ACTR10: variants seen among roughly 807,000 people sequenced by gnomAD.
ACTR10 encodes the protein actin related protein 10.
ACTR10 carries 43 observed loss-of-function variants against 56.2 expected under a neutral mutation model. The ratio of observed to expected loss-of-function variants is 0.77; its 90% CI spans 0.60 to 0.99. The LOEUF (loss-of-function observed/expected upper bound fraction) is 0.99. ACTR10 is among the 50% of genes least tolerant of loss of function. ACTR10 has a pLI of 0.00. For synonymous variants in ACTR10, 170 were observed against 176.3 expected, an observed-to-expected ratio of 0.96 and a Z score of 0.28; for missense variants, 466 against 507.8, an observed-to-expected ratio of 0.92 and a Z score of 0.79.
intron 8 of ACTR10, among the ~76,000 whole-genome samples, chr14:58,222,025 G>A (rs1889286247): frequency 6.6e-6 from 1 of 152,118 alleles, no homozygotes; most frequent in Non-Finnish European, 1.5e-5. Context: ...CTAGCTCACT[G>A]TCTAGCATAG....
intron 2 of ACTR10, among the ~76,000 whole-genome samples, chr14:58,205,353 C>T (rs1325387334): frequency 3.0e-5 from 4 of 133,914 alleles, no homozygotes; most frequent in East Asian, 4.2e-4. Flanking sequence ...CTTGCTCTGT[C>T]GCCCAGGCTG....
intron 2 of ACTR10, among the ~76,000 whole-genome samples, chr14:58,204,116 ACAC>A (rs1303177806): frequency 6.6e-6 from 1 of 151,774 alleles, no homozygotes; most frequent in Non-Finnish European, 1.5e-5. Flanking sequence ...TGGGCAGATT[ACAC>A]GCCTGTAATC....
In ACTR10 at chr14:58,202,901, G is replaced by A. The variant is rs1230049060; in HGVS notation, c.124G>A (p.Val42Met). The A allele has an allele frequency of 6.2e-7, 1 of 1,605,160 alleles. No individual in the cohort carries two copies. The highest frequency in any genetic ancestry group is 8.5e-7 in the Non-Finnish European group (1 of 1,175,524). Residue 42 changes from valine (V) to methionine (M), a missense_variant, in exon 2 of 13, where the codon GTG becomes ATG. Val to Met is a conservative substitution (Grantham distance 21). Coordinates refer to ENST00000254286, the MANE Select transcript of ACTR10 (RefSeq NM_018477.3). ...ETGPRCIIPSVIKRAGMPKPV... is the reference protein window; with the variant it reads ...ETGPRCIIPSMIKRAGMPKPV... ...TGGTCCAAGATGTATAATTCCTAGT[G>A]TGATAAAAAGAGCTGGGATGCCTAA...
At chr14:58,214,062 GTTA>G (rs1429242106) in intron 6 of ACTR10, among the ~76,000 whole-genome samples, 1 of 152,102 alleles carries the variant, frequency 6.6e-6, no homozygotes, top group Non-Finnish European at 1.5e-5. Context: ...GTACAATTAA[GTTA>G]TTATTGTCTA....
chr14:58,224,562 C>G (rs1038970350), intron 10 of ACTR10, among the ~76,000 whole-genome samples: 5 of 152,128 alleles, frequency 3.3e-5, no homozygotes, highest in African/African-American at 1.2e-4. Flanking sequence ...TTCACACTTG[C>G]AACCCCAGCA....
intron 2 of ACTR10, among the ~76,000 whole-genome samples, chr14:58,204,217 T>TA (rs35924178): frequency 0.11 from 14,359 of 132,236 alleles, 1,167 homozygotes; most frequent in African/African-American, 0.23. Context: ...CCATCTCTAC[T>TA]AAAAAAAAAA....
intron 10 of ACTR10, among the ~76,000 whole-genome samples, chr14:58,227,693 A>G (rs916698606): frequency 7.9e-5 from 12 of 152,214 alleles, no homozygotes; most frequent in African/African-American, 2.9e-4. Context: ...GGCCTCAGTT[A>G]GTATACTTTA....
At chr14:58,214,481 G>C (rs1056394152) in intron 6 of ACTR10, among the ~76,000 whole-genome samples, 1 of 151,244 alleles carries the variant, frequency 6.6e-6, no homozygotes, top group South Asian at 2.1e-4. Flanking sequence ...TCATGGGGAA[G>C]ACCTTTATTA....
chr14:58,214,466 T>G (rs1029200688), intron 6 of ACTR10, among the ~76,000 whole-genome samples: 1 of 151,878 alleles, frequency 6.6e-6, no homozygotes, highest in African/African-American at 2.4e-5. Flanking sequence ...ATAGGTAAAC[T>G]TATGTCATGG....
In ACTR10 at chr14:58,223,813, C is replaced by G. The variant is rs1459830934; in HGVS notation, c.745C>G (p.Pro249Ala). 15 of 1,613,072 alleles carry G rather than the reference C, an allele frequency of 9.3e-6. No individual in the cohort carries two copies. The East Asian group carries it at 3.3e-4, about 36-fold the overall frequency. ...CTCCCCACCCCCAAATGTTGACTATCCATTAGATGGAGAGAAGATTTTACA... is the reference window on the plus strand; with the variant it reads ...CTCCCCACCCCCAAATGTTGACTATGCATTAGATGGAGAGAAGATTTTACA... ...RPSPPPNVDYPLDGEKILHIL... is the reference protein window; with the variant it reads ...RPSPPPNVDYALDGEKILHIL... Residue 249 changes from proline to alanine, a missense_variant, in exon 10 of 13, where the codon CCA (proline) becomes GCA (alanine). Physicochemically the swap from Pro to Ala is conservative, Grantham distance 27. Coordinates refer to ENST00000254286, the MANE Select transcript of ACTR10 (RefSeq NM_018477.3).
chr14:58,233,144 A>G (rs984055105), intron 12 of ACTR10, among the ~76,000 whole-genome samples: 27 of 152,122 alleles, frequency 1.8e-4, no homozygotes, highest in Admixed American at 1.2e-3. Flanking sequence ...AAGTGCTGGG[A>G]TTACAGGTGT....
chr14:58,224,819 GTC>G (rs1889360864), intron 10 of ACTR10, among the ~76,000 whole-genome samples: 2 of 151,890 alleles, frequency 1.3e-5, no homozygotes, highest in Non-Finnish European at 2.9e-5. Context: ...GAGAAACCGA[GTC>G]TCTACTAAAA....
rs1889016291 is a variant in ACTR10, at chr14:58,212,137, TTATC to T, written c.450+742_450+745del. 2.6e-5 allele frequency among the ~76,000 whole-genome samples: 4 copies of T among 152,254 alleles called. No homozygotes were observed. The East Asian group carries it at 5.8e-4, about 22-fold the overall frequency. On this transcript the variant is annotated intron_variant, in intron 5 of 12. Coordinates refer to ENST00000254286, the MANE Select transcript of ACTR10 (RefSeq NM_018477.3). The stretch of plus-strand genomic sequence containing the variant: ...TTAATCTCTTCGGGCCTCAGTTTCT[TTATC>T]TATAAATTGGGGATTATAATATTTC...
intron 8 of ACTR10, among the ~76,000 whole-genome samples, chr14:58,220,724 G>C (rs932463472): frequency 6.6e-6 from 1 of 152,184 alleles, no homozygotes; most frequent in Non-Finnish European, 1.5e-5. Flanking sequence ...TCTGGTATTA[G>C]TGAGATTGTA....
chr14:58,232,346 T>C, intron 12 of ACTR10, 79 bp downstream of exon 12: 1 of 1,005,568 alleles, frequency 9.9e-7, no homozygotes, highest in Non-Finnish European at 1.4e-6. Context: ...TATATTAGAA[T>C]AAATAATTCA....
At position 58,235,630 on chromosome 14, in the gene ACTR10, G is replaced by C. The variant is rs942559571; in HGVS notation, c.*1079G>C. 1.3e-5 allele frequency: 2 copies of C among 151,956 alleles called. No individual in the cohort carries two copies. Among genetic ancestry groups the C allele is most frequent in the African/African-American group, 2.4e-5 (1 of 41,346 alleles). The allele number at this position is 151,956 out of a possible 1,614,324, so 9.4% of individuals were successfully genotyped here. A position where few individuals can be genotyped will look rare whatever the true frequency, so the allele number is the denominator to read the frequency against. On this transcript the variant is annotated 3_prime_UTR_variant, in exon 13 of 13. Coordinates refer to ENST00000254286, the MANE Select transcript of ACTR10 (RefSeq NM_018477.3). ...ATTTGTTTTTAATGAACTACCTCTT[G>C]TTGAAATTTTGCTGGCTTCATTCTT...
At chr14:58,201,016 C>T (rs1188201876) in intron 1 of ACTR10, among the ~76,000 whole-genome samples, 1 of 152,138 alleles carries the variant, frequency 6.6e-6, no homozygotes, top group Non-Finnish European at 1.5e-5. Context: ...TCCTGGGACC[C>T]TAGATTAAGA....
At chr14:58,216,653 C>T (rs1373760294) in intron 7 of ACTR10, among the ~76,000 whole-genome samples, 1 of 152,166 alleles carries the variant, frequency 6.6e-6, no homozygotes. Context: ...TAGCACAGCC[C>T]TGTGCCTTCA....
rs541353042 is a variant in ACTR10, at chr14:58,234,500, C to G, written c.1203C>G (p.Val401=). The G allele has an allele frequency of 4.3e-6, 7 of 1,613,122 alleles. No individual in the cohort carries two copies. The African/African-American group carries it at 8.0e-5, about 18-fold the overall frequency. The change falls in exon 13 of 13, where the codon GTC becomes GTG. Residue 401 remains valine (V), a synonymous_variant. Transcript: ENST00000254286. ...NNPPLEMMFD[V]GKTQPPLMKR... ...CACCTTTGGAAATGATGTTTGATGT[C>G]GGGAAAACTCAACCACCTCTGATGA...
Sources: gnomAD v4.1 joint callset for allele counts (sites outside exome capture counted in the v4.1 genomes callset) on GRCh38, gnomAD v4.1.1 for gene constraint, MANE v1.5 for transcripts, NCBI Gene and HGNC (gene_info 2026-07-23, HGNC 2026-07-21) for gene names.